Variants in HTRA1 observed in about 807,000 individuals in gnomAD.
HTRA1 encodes serine protease HTRA1.
Under a neutral mutation model 49.7 loss-of-function variants are expected in HTRA1, and 26 were observed. The ratio of observed to expected loss-of-function variants is 0.52; its 90% CI spans 0.38 to 0.73. HTRA1 has a LOEUF of 0.73. HTRA1 is among the 30% of genes least tolerant of loss of function. HTRA1 has a pLI of 0.00. For synonymous variants in HTRA1, 291 were observed against 286.9 expected (o/e 1.01, Z -0.14); for missense variants, 561 against 667.2 (o/e 0.84, Z 1.75).
rs1488336751 is a variant in HTRA1, at chr10:122,498,040, T to C, written c.777+8414T>C. Among the ~76,000 whole-genome samples, 3 of 152,354 alleles carry C rather than the reference T, an allele frequency of 2.0e-5. No individual in the cohort carries two copies. The East Asian group carries it at 5.8e-4, about 29-fold the overall frequency. On this transcript the variant is annotated intron_variant, in intron 3 of 8. Transcript: ENST00000368984. ...CTGAAGAGTAAGGGAATATTGGAAA[T>C]GGCAAACATCTGATATAGTGTAAAG...
chr10:122,484,578 A>G (rs1437298056), intron 1 of HTRA1, among the ~76,000 whole-genome samples: 1 of 152,244 alleles, frequency 6.6e-6, no homozygotes, highest in African/African-American at 2.4e-5. Flanking sequence ...CACTGTGGCC[A>G]GTCCTTTGGA....
chr10:122,470,040 G>A lies in HTRA1; in HGVS notation c.472+7916G>A, dbSNP rs191886984. 2.0e-5 allele frequency among the ~76,000 whole-genome samples: 3 copies of A among 152,264 alleles called. No homozygotes were observed. The East Asian group carries it at 5.8e-4, about 29-fold the overall frequency. ...TTCCCTGTGTGCTTGAGAGGAATGT[G>A]TGTTCTGTCATTGTTGAATGGAGTG... On this transcript the variant is annotated intron_variant, in intron 1 of 8. Transcript: ENST00000368984.
At position 122,489,563 on chromosome 10, in the gene HTRA1, C is replaced by T. The variant is rs778024678; in HGVS notation, c.714C>T (p.Tyr238=). 1.5e-5 allele frequency: 25 copies of T among 1,614,026 alleles called. No homozygotes were observed. The highest frequency in any genetic ancestry group is 1.5e-4 in the African/African-American group (11 of 74,904). Residue 238 remains tyrosine, a synonymous_variant, in exon 3 of 9, where the codon TAC becomes TAT. Transcript: ENST00000368984. Reference sequence around the variant, plus strand: ...TTGAGCTGAAGAACGGTGCCACTTACGAAGCCAAAATCAAGGATGTGGATG... The same window carrying T: ...TTGAGCTGAAGAACGGTGCCACTTATGAAGCCAAAATCAAGGATGTGGATG... ...VKVELKNGAT[Y]EAKIKDVDEK...
intron 3 of HTRA1, among the ~76,000 whole-genome samples, chr10:122,505,865 A>T (rs566363164): frequency 4.6e-5 from 7 of 152,308 alleles, no homozygotes; most frequent in Admixed American, 2.6e-4. Context: ...TGATAGAGCT[A>T]GGGAGGCCCT....
intron 1 of HTRA1, among the ~76,000 whole-genome samples, chr10:122,469,581 A>G (rs2097485250): frequency 6.6e-6 from 1 of 152,214 alleles, no homozygotes; most frequent in African/African-American, 2.4e-5. Flanking sequence ...TGACCCAAAG[A>G]GCCACTGCCA....
At chr10:122,474,286 G>A (rs764743626) in intron 1 of HTRA1, among the ~76,000 whole-genome samples, 3 of 152,134 alleles carry the variant, frequency 2.0e-5, no homozygotes, top group South Asian at 2.1e-4. Flanking sequence ...TTTTGGGTCC[G>A]GGACCACTCT....
At chr10:122,486,030 C>T (rs1478849931) in intron 1 of HTRA1, among the ~76,000 whole-genome samples, 13 of 152,256 alleles carry the variant, frequency 8.5e-5, no homozygotes, top group South Asian at 4.1e-4. Flanking sequence ...TTGGAGTGCT[C>T]GGGGGGACAC....
chr10:122,500,940 C>T (rs982910887), intron 3 of HTRA1, among the ~76,000 whole-genome samples: 8 of 152,198 alleles, frequency 5.3e-5, no homozygotes, highest in Non-Finnish European at 7.3e-5. Context: ...CCTCTCTGGT[C>T]CCCTGTCCCT....
intron 7 of HTRA1, among the ~76,000 whole-genome samples, chr10:122,511,646 T>C (rs1489185353): frequency 6.6e-6 from 1 of 151,546 alleles, no homozygotes; most frequent in Non-Finnish European, 1.5e-5. Flanking sequence ...GGCAGGAGAA[T>C]TGCTTGAACC....
Position 122,474,656 on chromosome 10 carries a change from C to T in HTRA1, c.472+12532C>T, listed in dbSNP as rs77759213. Among the ~76,000 whole-genome samples the T allele has an allele frequency of 4.8e-3, 738 of 152,240 alleles. 12 individuals carry two copies. The highest frequency in any genetic ancestry group is 0.017 in the African/African-American group (707 of 41,544). On this transcript the variant is annotated intron_variant, in intron 1 of 8. Coordinates refer to ENST00000368984, the MANE Select transcript of HTRA1 (RefSeq NM_002775.5). ...TGCGAAGGTCAGGACCAGAGCCAGA[C>T]GCTTATCAAGAGCAAAGTTAATGGT...
intron 4 of HTRA1, among the ~76,000 whole-genome samples, chr10:122,507,145 T>C (rs1331618190): frequency 6.6e-6 from 1 of 152,210 alleles, no homozygotes; most frequent in Non-Finnish European, 1.5e-5. Flanking sequence ...AGTTGGCTTC[T>C]GGGCTTCAGA....
chr10:122,503,320 A>G (rs1173317256), intron 3 of HTRA1, among the ~76,000 whole-genome samples: 1 of 152,252 alleles, frequency 6.6e-6, no homozygotes, highest in Non-Finnish European at 1.5e-5. Context: ...GAATTTGGCC[A>G]GCAGAGGTAT....
intron 1 of HTRA1, among the ~76,000 whole-genome samples, chr10:122,467,308 T>G (rs979826684): frequency 6.6e-6 from 1 of 152,230 alleles, no homozygotes; most frequent in African/African-American, 2.4e-5. Context: ...CTCTGGCCCT[T>G]CCTGGGGTGT....
intron 7 of HTRA1, among the ~76,000 whole-genome samples, chr10:122,510,438 TGCG>T (rs1478648528): frequency 1.5e-4 from 23 of 152,200 alleles, no homozygotes; most frequent in African/African-American, 5.1e-4. Flanking sequence ...GAACAGTGTG[TGCG>T]TGGTGGGGCT....
chr10:122,466,259 G>A (rs1424664059), intron 1 of HTRA1, among the ~76,000 whole-genome samples: 3 of 152,044 alleles, frequency 2.0e-5, no homozygotes, highest in Admixed American at 1.3e-4. Context: ...TCCACCTCCC[G>A]GGTTCATGCC....
At chr10:122,474,109 A>G (rs2097487372) in intron 1 of HTRA1, among the ~76,000 whole-genome samples, 1 of 152,218 alleles carries the variant, frequency 6.6e-6, no homozygotes, top group Non-Finnish European at 1.5e-5. Flanking sequence ...AGAATATTCT[A>G]TATGGATGGG....
intron 3 of HTRA1, among the ~76,000 whole-genome samples, chr10:122,499,895 C>T (rs2097500214): frequency 6.6e-6 from 1 of 152,182 alleles, no homozygotes; most frequent in Non-Finnish European, 1.5e-5. Context: ...GCCTAGAAGT[C>T]CCAGCCTCCA....
intron 6 of HTRA1, among the ~76,000 whole-genome samples, chr10:122,509,457 C>T (rs910183968): frequency 6.6e-6 from 1 of 152,138 alleles, no homozygotes; most frequent in African/African-American, 2.4e-5. Context: ...GAAGGAAAGA[C>T]AGAGGACTCA....
At chr10:122,469,791 T>C (rs959553471) in intron 1 of HTRA1, among the ~76,000 whole-genome samples, 4 of 152,234 alleles carry the variant, frequency 2.6e-5, no homozygotes, top group Non-Finnish European at 4.4e-5. Flanking sequence ...AGCCCATGTC[T>C]GTTTCACTCC....
Sources: gnomAD v4.1 joint callset for allele counts (sites outside exome capture counted in the v4.1 genomes callset) on GRCh38, gnomAD v4.1.1 for gene constraint, MANE v1.5 for transcripts, NCBI Gene and HGNC (gene_info 2026-07-23, HGNC 2026-07-21) for gene names.